Variants in NCOA2 observed in about 807,000 individuals in gnomAD.
The protein encoded by NCOA2 is nuclear receptor coactivator 2.
Under a neutral mutation model 145.1 loss-of-function variants are expected in NCOA2, and 21 were observed. The observed-to-expected ratio is 0.14, with a 90% confidence interval of 0.10 to 0.21. The LOEUF is 0.21. Ranked by LOEUF, NCOA2 falls within the 10% of genes least tolerant of loss-of-function variation. The pLI, the probability that NCOA2 is intolerant of heterozygous loss-of-function variation, is 1.00. For missense variants in NCOA2, 1,472 were observed against 1,837.6 expected (o/e 0.80, Z 3.64); for synonymous variants, 619 against 637.5 (o/e 0.97, Z 0.44).
chr8:70,332,569 T>C (rs1807207696), intron 1 of NCOA2, among the ~76,000 whole-genome samples: 1 of 152,132 alleles, frequency 6.6e-6, no homozygotes, highest in Non-Finnish European at 1.5e-5. Context: ...TGTTTTTAGG[T>C]GGGGGTGGCA....
chr8:70,156,757 T>C lies in NCOA2; in HGVS notation c.1608A>G (p.Ala536=). The change falls in exon 11 of 23, where the codon GCA becomes GCG. Residue 536 remains alanine (A), a synonymous_variant. Coordinates refer to ENST00000452400, the MANE Select transcript of NCOA2 (RefSeq NM_006540.4). ...SHSYTNSSLN[A]LQALSEGHGV... The stretch of plus-strand genomic sequence containing the variant: ...CGTGCCCCTCGCTGAGGGCCTGAAG[T>C]GCATTGAGGGAGCTGTTGGTATAAC... The C allele has an allele frequency of 6.2e-7, 1 of 1,613,966 alleles. No individual in the cohort carries two copies. The highest frequency in any genetic ancestry group is 8.5e-7 in the Non-Finnish European group (1 of 1,179,884).
chr8:70,219,561 G>GC (rs1204697474), intron 2 of NCOA2, among the ~76,000 whole-genome samples: 1 of 152,102 alleles, frequency 6.6e-6, no homozygotes, highest in Non-Finnish European at 1.5e-5. Context: ...TCCAGGAAGT[G>GC]CCAACATGCA....
At chr8:70,417,312 G>A in the NCOA2 span, among the ~76,000 whole-genome samples, 1 of 147,834 alleles carries the variant, frequency 6.8e-6, no homozygotes, top group Non-Finnish European at 1.5e-5. Context: ...ACTTTGGGAA[G>A]CCGAGGTGGG....
At chr8:70,210,993 G>C (rs891726347) in intron 4 of NCOA2, among the ~76,000 whole-genome samples, 3 of 152,178 alleles carry the variant, frequency 2.0e-5, no homozygotes, top group African/African-American at 7.2e-5. Flanking sequence ...TTGGTCAGGG[G>C]ATCAGTTGGG....
intron 2 of NCOA2, among the ~76,000 whole-genome samples, chr8:70,229,074 T>C (rs1820912109): frequency 6.6e-6 from 1 of 152,248 alleles, no homozygotes; most frequent in Non-Finnish European, 1.5e-5. Context: ...TAATGTTATA[T>C]ATGGTTAAGT....
At chr8:70,230,842 T>C (rs1302100277) in intron 2 of NCOA2, among the ~76,000 whole-genome samples, 1 of 152,242 alleles carries the variant, frequency 6.6e-6, no homozygotes, top group Non-Finnish European at 1.5e-5. Flanking sequence ...TGTAAGTGTG[T>C]ATACAATCAA....
In NCOA2 at chr8:70,321,792, C is replaced by CTTTTT. The variant is rs1563762022; in HGVS notation, c.-76-24993_-76-24992insAAAAA. ...ATGCTTTCCTAAGTTTCAGAATATA[C>CTTTTT]CTTTTTTTTTTTTTTTTTTTTTTTT... On this transcript the variant is annotated intron_variant, in intron 1 of 22. Transcript: ENST00000452400. 2.1e-5 allele frequency among the ~76,000 whole-genome samples: 2 copies of CTTTTT among 97,528 alleles called. 1 individual carries two copies. The highest frequency in any genetic ancestry group is 4.0e-5 in the Non-Finnish European group (2 of 50,328). 64.0% of individuals were successfully genotyped at this position (97,528 alleles called of 152,430 possible).
chr8:70,379,527 A>G (rs987626524), intron 1 of NCOA2, among the ~76,000 whole-genome samples: 1 of 152,178 alleles, frequency 6.6e-6, no homozygotes, highest in Non-Finnish European at 1.5e-5. Context: ...TGTCTTCCAC[A>G]TATCAGCAGT....
chr8:70,364,243 G>C (rs1015924023), intron 1 of NCOA2, among the ~76,000 whole-genome samples: 1 of 150,218 alleles, frequency 6.7e-6, no homozygotes, highest in African/African-American at 2.4e-5. Flanking sequence ...TTACATTTAG[G>C]ACTGAAAAAA....
intron 2 of NCOA2, among the ~76,000 whole-genome samples, chr8:70,246,160 G>C (rs1384334023): frequency 1.3e-5 from 2 of 152,058 alleles, no homozygotes; most frequent in Non-Finnish European, 1.5e-5. Context: ...CTGACACACA[G>C]AGGCTGCTCC....
chr8:70,152,278 C>T (rs2132115724), intron 11 of NCOA2, among the ~76,000 whole-genome samples: 1 of 152,178 alleles, frequency 6.6e-6, no homozygotes, highest in Middle Eastern at 3.4e-3. Flanking sequence ...TTTTTCATGT[C>T]AAATCAACTT....
chr8:70,159,255 T>TTTTTTTTTTTTTC (rs1209017347), intron 10 of NCOA2, among the ~76,000 whole-genome samples: 1 of 137,598 alleles, frequency 7.3e-6, no homozygotes, highest in African/African-American at 2.7e-5. Flanking sequence ...TTTTTTTTTT[T>TTTTTTTTTTTTTC]CCCCCAAATA....
chr8:70,298,294 G>A (rs1827231456), intron 1 of NCOA2, among the ~76,000 whole-genome samples: 1 of 152,142 alleles, frequency 6.6e-6, no homozygotes, highest in Admixed American at 6.5e-5. Flanking sequence ...AGGTCTACAG[G>A]GGAGAGAAAC....
chr8:70,137,626 C>T (rs2131716899), intron 15 of NCOA2, among the ~76,000 whole-genome samples: 1 of 152,352 alleles, frequency 6.6e-6, no homozygotes, highest in East Asian at 1.9e-4. Flanking sequence ...ACCACCACCT[C>T]CAAGTATGAC....
At chr8:70,375,090 C>T (rs918396207) in intron 1 of NCOA2, among the ~76,000 whole-genome samples, 22 of 151,966 alleles carry the variant, frequency 1.4e-4, no homozygotes, top group African/African-American at 5.1e-4. Flanking sequence ...TAACTCTCAT[C>T]GGGGGAGAGT....
chr8:70,316,301 A>G (rs1805581009), intron 1 of NCOA2, among the ~76,000 whole-genome samples: 1 of 152,238 alleles, frequency 6.6e-6, no homozygotes. Flanking sequence ...AAACTTGTTC[A>G]ATGAGCTGTT....
chr8:70,124,206 G>C (rs922622408), intron 20 of NCOA2, 124 bp from the exon 21 acceptor site: 2 of 874,124 alleles, frequency 2.3e-6, no homozygotes, highest in African/African-American at 3.4e-5. Flanking sequence ...CATGAACCCA[G>C]GCTGAGACAG....
chr8:70,123,757 A>G, intron 21 of NCOA2, 127 bp downstream of exon 21: 1 of 707,446 alleles, frequency 1.4e-6, no homozygotes, highest in Admixed American at 3.4e-5. Flanking sequence ...AAGGGTGAAA[A>G]ACACTCCTCA....
intron 2 of NCOA2, among the ~76,000 whole-genome samples, chr8:70,280,603 C>T (rs911777970): frequency 6.6e-6 from 1 of 151,988 alleles, no homozygotes; most frequent in Non-Finnish European, 1.5e-5. Flanking sequence ...TGAAATGTTA[C>T]AAAATTGAGT....
Sources: gnomAD v4.1 joint callset for allele counts (sites outside exome capture counted in the v4.1 genomes callset) on GRCh38, gnomAD v4.1.1 for gene constraint, MANE v1.5 for transcripts, NCBI Gene and HGNC (gene_info 2026-07-23, HGNC 2026-07-21) for gene names.